The following ANKS1B variants were observed in gnomAD, a reference collection of about 807,000 sequenced individuals.
ANKS1B encodes the protein ankyrin repeat and sterile alpha motif domain containing 1B.
ANKS1B carries 36 observed loss-of-function variants against 148.3 expected under a neutral mutation model. The observed-to-expected ratio is 0.24, with a 90% CI of 0.19 to 0.32. The LOEUF (loss-of-function observed/expected upper bound fraction) is 0.32, where lower values mean the gene tolerates loss of function less well. ANKS1B is among the 10% of genes least tolerant of loss of function. ANKS1B has a pLI of 1.00. For missense variants in ANKS1B, 1,157 were observed against 1,542.6 expected, an observed-to-expected ratio of 0.75 and a Z score of 4.19; for synonymous variants, 542 against 560.8, an observed-to-expected ratio of 0.97 and a Z score of 0.47.
chr12:99,517,666 A>G (rs1211507240), intron 9 of ANKS1B, among the ~76,000 whole-genome samples: 3 of 152,006 alleles, frequency 2.0e-5, no homozygotes, highest in Non-Finnish European at 4.4e-5. Context: ...ATAGCCAACA[A>G]GAATACTTTG....
rs11109726 is a variant in ANKS1B at position 99,107,301 on chromosome 12, G to A, written c.2527-22278C>T. 3.6e-3 allele frequency among the ~76,000 whole-genome samples: 549 copies of A among 152,122 alleles called. 10 individuals are homozygous for A. The South Asian group carries it at 0.045, about 13-fold the overall frequency. ...GCTACACCCTCACTCTTTGGGTTGC[G>A]GTGCCGTGTAGAAGTGATGAGAATG... On this transcript the variant is annotated intron_variant, in intron 15 of 26. Transcript: ENST00000683438.
At chr12:99,797,461 G>C (rs2066389507) in intron 4 of ANKS1B, among the ~76,000 whole-genome samples, 1 of 151,744 alleles carries the variant, frequency 6.6e-6, no homozygotes. Flanking sequence ...CACTGAACAA[G>C]GTGAACCCAA....
chr12:99,408,734 C>T (rs917502023), intron 11 of ANKS1B, among the ~76,000 whole-genome samples: 3 of 145,408 alleles, frequency 2.1e-5, no homozygotes, highest in Admixed American at 6.8e-5. Flanking sequence ...AATGGCGAAC[C>T]GATATGAGAA....
rs536094406 is a variant in ANKS1B at position 99,316,962 on chromosome 12, G to C, written c.1757-70098C>G. Among the ~76,000 whole-genome samples the C allele has an allele frequency of 3.7e-3, 559 of 152,166 alleles. 1 individual carries two copies. Among genetic ancestry groups the C allele is most frequent in the Middle Eastern group, 0.01 (3 of 294 alleles). On this transcript the variant is annotated intron_variant, in intron 12 of 26. Transcript: ENST00000683438. ...CATTTCTTGTTTTTGTCAGGTTTGT[G>C]AAAGATCAGATGGTTGTAGATGTGT...
chr12:99,859,704 T>G (rs1385674251), intron 1 of ANKS1B, among the ~76,000 whole-genome samples: 2 of 152,008 alleles, frequency 1.3e-5, no homozygotes, highest in African/African-American at 4.8e-5. Context: ...TGGAGTGCAG[T>G]GGCACAATCT....
intron 12 of ANKS1B, among the ~76,000 whole-genome samples, chr12:99,354,079 C>A (rs917755879): frequency 6.6e-6 from 1 of 151,996 alleles, no homozygotes; most frequent in Non-Finnish European, 1.5e-5. Context: ...TCACAAAAAT[C>A]TTATGAACTA....
chr12:98,894,943 G>T, intron 17 of ANKS1B: 1 of 877,230 alleles, frequency 1.1e-6, no homozygotes, highest in African/African-American at 1.8e-5. Flanking sequence ...CCCGCCGCGC[G>T]CCCTCGCACC....
chr12:99,505,298 T>C (rs1169105506), intron 9 of ANKS1B, among the ~76,000 whole-genome samples: 1 of 152,054 alleles, frequency 6.6e-6, no homozygotes, highest in Non-Finnish European at 1.5e-5. Flanking sequence ...CCAGGGCCAG[T>C]TTCTCCAGTC....
intron 15 of ANKS1B, among the ~76,000 whole-genome samples, chr12:99,106,230 T>C (rs1259452335): frequency 6.6e-6 from 1 of 152,244 alleles, no homozygotes; most frequent in East Asian, 1.9e-4. Flanking sequence ...ATTATTCTAG[T>C]ATCTTCGCAA....
At chr12:99,799,011 T>G (rs1045094537) in intron 4 of ANKS1B, among the ~76,000 whole-genome samples, 6 of 152,236 alleles carry the variant, frequency 3.9e-5, no homozygotes, top group Admixed American at 1.3e-4. Context: ...AGAAACTTCC[T>G]GTGAACCTGC....
intron 8 of ANKS1B, among the ~76,000 whole-genome samples, chr12:99,712,317 C>T (rs1192482077): frequency 6.6e-6 from 1 of 152,122 alleles, no homozygotes; most frequent in African/African-American, 2.4e-5. Context: ...ATGGCTACAT[C>T]CTAATAACCA....
intron 14 of ANKS1B, among the ~76,000 whole-genome samples, chr12:99,172,010 T>C (rs1335640267): frequency 2.0e-5 from 3 of 152,120 alleles, no homozygotes; most frequent in Non-Finnish European, 4.4e-5. Flanking sequence ...AAGGGGAGGA[T>C]GCTTAACTTG....
At chr12:99,733,870 T>C (rs2059387177) in intron 8 of ANKS1B, among the ~76,000 whole-genome samples, 1 of 152,230 alleles carries the variant, frequency 6.6e-6, no homozygotes, top group South Asian at 2.1e-4. Context: ...CAACCATCTG[T>C]TTACTGTACC....
At chr12:99,302,522 C>A (rs1313840983) in intron 12 of ANKS1B, among the ~76,000 whole-genome samples, 2 of 152,074 alleles carry the variant, frequency 1.3e-5, no homozygotes, top group Non-Finnish European at 2.9e-5. Flanking sequence ...CAATAGAGAT[C>A]ATGTTATTCA....
At chr12:98,796,755 C>A (rs540671540) in intron 22 of ANKS1B, among the ~76,000 whole-genome samples, 4 of 152,016 alleles carry the variant, frequency 2.6e-5, no homozygotes, top group South Asian at 2.1e-4. Context: ...CAGAAAAATG[C>A]CCCCCAAAAC....
At chr12:99,305,144 A>C (rs567905440) in intron 12 of ANKS1B, among the ~76,000 whole-genome samples, 56 of 151,950 alleles carry the variant, frequency 3.7e-4, no homozygotes, top group African/African-American at 1.3e-3. Context: ...TCTTTTTAAC[A>C]ATCAGTTCTC....
At chr12:99,814,418 T>G (rs967305258) in intron 2 of ANKS1B, among the ~76,000 whole-genome samples, 2 of 151,682 alleles carry the variant, frequency 1.3e-5, no homozygotes, top group Non-Finnish European at 3.0e-5. Context: ...ACTTTAGAAG[T>G]GAAATGAAAT....
intron 9 of ANKS1B, among the ~76,000 whole-genome samples, chr12:99,565,554 G>A (rs1371128670): frequency 1.3e-5 from 2 of 152,172 alleles, no homozygotes; most frequent in African/African-American, 2.4e-5. Context: ...GGTTTCAAGG[G>A]CAGAGAATAA....
At position 98,974,624 on chromosome 12, in the gene ANKS1B, C is replaced by A. The variant is rs957927388; in HGVS notation, c.2778+78533G>T. Among the ~76,000 whole-genome samples, 3 of 152,008 alleles carry A rather than the reference C, an allele frequency of 2.0e-5. No individual in the cohort carries two copies. In the South Asian group the frequency reaches 6.2e-4, roughly 32 times the overall value. On this transcript the variant is annotated intron_variant, in intron 17 of 26. Coordinates refer to ENST00000683438, the MANE Select transcript of ANKS1B (RefSeq NM_001352186.2). ...TGCTTCTACAGAGATTGGGGGATGGCAAACAACCCATGGAGTAAATTCACA... is the reference window on the plus strand; with the variant it reads ...TGCTTCTACAGAGATTGGGGGATGGAAAACAACCCATGGAGTAAATTCACA...
Sources: gnomAD v4.1 joint callset for allele counts (sites outside exome capture counted in the v4.1 genomes callset) on GRCh38, gnomAD v4.1.1 for gene constraint, MANE v1.5 for transcripts, NCBI Gene and HGNC (gene_info 2026-07-23, HGNC 2026-07-21) for gene names.